Variants in DPP6 observed in about 807,000 individuals in gnomAD.
DPP6 encodes the protein A-type potassium channel modulatory protein DPP6.
DPP6 carries 69 observed loss-of-function variants against 122.6 expected under a neutral mutation model. The observed-to-expected ratio is 0.56, with a 90% CI of 0.46 to 0.69. The LOEUF (loss-of-function observed/expected upper bound fraction) is 0.69, where lower values mean the gene tolerates loss of function less well. Ranked by LOEUF, DPP6 falls within the 30% of genes least tolerant of loss-of-function variation. DPP6 has a pLI of 0.00. For synonymous variants in DPP6, 418 were observed against 433.1 expected (o/e 0.97, Z 0.43); for missense variants, 928 against 1,116.9 (o/e 0.83, Z 2.41).
rs1380941321 is a variant in DPP6 at position 154,540,592 on chromosome 7, A to G, written c.518A>G (p.Asn173Ser). The G allele has an allele frequency of 6.2e-7, 1 of 1,605,970 alleles. No homozygotes were observed. The highest frequency in any genetic ancestry group is 8.5e-7 in the Non-Finnish European group (1 of 1,176,584). The change falls in exon 4 of 26, where the codon AAT becomes AGT. Residue 173 changes from asparagine (N) to serine (S), a missense_variant. Physicochemically the swap from Asn to Ser is conservative, Grantham distance 46 (BLOSUM62 1). Transcript: ENST00000377770. ...GTVRLWNVET[N>S]TSTVLIEGKK... is the part of the protein sequence containing the mutation. Reference sequence around the variant, plus strand: ...GTGAGACTGTGGAATGTTGAAACAAATACTTCTACTGTCTTAATAGAAGGC... The same window carrying G: ...GTGAGACTGTGGAATGTTGAAACAAGTACTTCTACTGTCTTAATAGAAGGC...
chr7:154,593,098 A>G (rs538605513), intron 5 of DPP6, among the ~76,000 whole-genome samples: 5 of 152,176 alleles, frequency 3.3e-5, no homozygotes, highest in African/African-American at 1.2e-4. Flanking sequence ...TTAATTGTGT[A>G]ATATCATCAC....
chr7:154,801,237 GT>G, intron 12 of DPP6, 117 bp from the exon 13 acceptor site: 1 of 1,405,122 alleles, frequency 7.1e-7, no homozygotes, highest in Non-Finnish European at 9.7e-7. Context: ...TATTTCAACT[GT>G]TCCTCTCCTT....
chr7:154,068,358 A>G (rs1259510775), intron 1 of DPP6, among the ~76,000 whole-genome samples: 1 of 147,028 alleles, frequency 6.8e-6, no homozygotes, highest in Non-Finnish European at 1.5e-5. Flanking sequence ...AAGCTGGGTG[A>G]CTCCCATGTT....
chr7:154,202,697 G>A (rs77256374), intron 1 of DPP6, among the ~76,000 whole-genome samples: 8,251 of 152,164 alleles, frequency 0.054, 288 homozygotes, highest in South Asian at 0.11. Context: ...GGGCCACTGG[G>A]CCCTGTTAGT....
chr7:154,324,392 C>G lies in DPP6; in HGVS notation c.244-121822C>G, dbSNP rs146193548. On this transcript the variant is annotated intron_variant, in intron 1 of 25. Coordinates refer to ENST00000377770, the MANE Select transcript of DPP6 (RefSeq NM_130797.4). ...TCTGCCCCTTCCATGCAGATGCAGGCTGATGCCGGATGGGTCTCCACTGGC... is the reference window on the plus strand; with the variant it reads ...TCTGCCCCTTCCATGCAGATGCAGGGTGATGCCGGATGGGTCTCCACTGGC... 1.5e-3 allele frequency among the ~76,000 whole-genome samples: 224 copies of G among 152,286 alleles called. 1 individual carries two copies. The highest frequency in any genetic ancestry group is 5.2e-3 in the African/African-American group (218 of 41,566).
At chr7:154,213,907 C>A (rs916025249) in intron 1 of DPP6, among the ~76,000 whole-genome samples, 1 of 152,162 alleles carries the variant, frequency 6.6e-6, no homozygotes, top group Admixed American at 6.5e-5. Flanking sequence ...CAGCGGCCTT[C>A]GCTTCAAGAC....
chr7:153,755,138 T>C, the DPP6 span, among the ~76,000 whole-genome samples: 1 of 152,024 alleles, frequency 6.6e-6, no homozygotes, highest in African/African-American at 2.4e-5. Context: ...TCTGTTTTGT[T>C]TCTCTGATGA....
chr7:154,592,366 T>G (rs932962742), intron 5 of DPP6, among the ~76,000 whole-genome samples: 4 of 152,208 alleles, frequency 2.6e-5, no homozygotes, highest in Non-Finnish European at 5.9e-5. Context: ...AGCCTTTTGA[T>G]TCCCTCCTGC....
chr7:153,941,571 A>G (rs1207995527), intron 1 of DPP6, among the ~76,000 whole-genome samples: 2 of 152,192 alleles, frequency 1.3e-5, no homozygotes, highest in Non-Finnish European at 2.9e-5. Context: ...TTTGGTATAA[A>G]AGGAAGGAAG....
intron 1 of DPP6, among the ~76,000 whole-genome samples, chr7:154,298,542 G>A (rs1207847548): frequency 2.0e-5 from 3 of 152,168 alleles, no homozygotes; most frequent in Admixed American, 6.5e-5. Flanking sequence ...CAGATCACCC[G>A]GGTGTGATTC....
intron 7 of DPP6, among the ~76,000 whole-genome samples, chr7:154,694,358 T>C (rs887541609): frequency 1.3e-5 from 2 of 152,144 alleles, no homozygotes. Context: ...ACAACTGTAA[T>C]CCCAGCACTT....
chr7:153,825,901 A>C, the DPP6 span, among the ~76,000 whole-genome samples: 1 of 152,094 alleles, frequency 6.6e-6, no homozygotes, highest in African/African-American at 2.4e-5. Flanking sequence ...ACTTACTGTC[A>C]GGTTCATAGG....
At chr7:154,045,061 A>T (rs568382567) in intron 1 of DPP6, among the ~76,000 whole-genome samples, 1 of 152,166 alleles carries the variant, frequency 6.6e-6, no homozygotes, top group Non-Finnish European at 1.5e-5. Flanking sequence ...CTTTGCTTTG[A>T]CAATTCCCTT....
At chr7:154,372,418 G>A (rs1319264137) in intron 1 of DPP6, among the ~76,000 whole-genome samples, 1 of 152,094 alleles carries the variant, frequency 6.6e-6, no homozygotes, top group African/African-American at 2.4e-5. Context: ...ACCATGAGTC[G>A]CCCCCAACAC....
At chr7:154,042,006 C>A (rs1418209167) in intron 1 of DPP6, among the ~76,000 whole-genome samples, 2 of 152,178 alleles carry the variant, frequency 1.3e-5, no homozygotes, top group Non-Finnish European at 2.9e-5. Context: ...ATCCGCCCAC[C>A]TCGGCCTCCC....
chr7:154,510,735 G>A (rs955256474), intron 3 of DPP6, among the ~76,000 whole-genome samples: 2 of 151,568 alleles, frequency 1.3e-5, no homozygotes, highest in Non-Finnish European at 2.9e-5. Flanking sequence ...GAACAGAACT[G>A]CCAGGTAATA....
intron 3 of DPP6, among the ~76,000 whole-genome samples, chr7:154,522,624 C>G (rs1478080010): frequency 6.6e-6 from 1 of 152,084 alleles, no homozygotes; most frequent in Non-Finnish European, 1.5e-5. Flanking sequence ...ACCTTTGTAC[C>G]TCTTTGGAGC....
intron 1 of DPP6, among the ~76,000 whole-genome samples, chr7:154,227,331 A>G (rs903149563): frequency 2.7e-5 from 4 of 150,918 alleles, no homozygotes; most frequent in Non-Finnish European, 3.0e-5. Context: ...AAATAAGCCA[A>G]TCACAGAAAG....
intron 1 of DPP6, among the ~76,000 whole-genome samples, chr7:154,141,648 T>C (rs1795851297): frequency 6.6e-6 from 1 of 152,224 alleles, no homozygotes; most frequent in Admixed American, 6.5e-5. Flanking sequence ...CTTTTTAAAC[T>C]TGAAGGGCAG....
Sources: allele counts gnomAD v4.1 joint callset (sites outside exome capture counted in the v4.1 genomes callset), GRCh38; gene constraint gnomAD v4.1.1; transcripts MANE v1.5; gene names NCBI Gene and HGNC (gene_info 2026-07-23, HGNC 2026-07-21).